Variants in LRRC4C observed in about 807,000 individuals in gnomAD.
LRRC4C encodes leucine rich repeat containing 4C, also known as leucine-rich repeat-containing protein 4C.
Under a neutral mutation model 33.6 loss-of-function variants are expected in LRRC4C, and 5 were observed. The observed-to-expected ratio is 0.15, with a 90% CI of 0.08 to 0.31. The LOEUF (loss-of-function observed/expected upper bound fraction) is 0.31, where lower values mean the gene tolerates loss of function less well. Ranked by LOEUF, LRRC4C falls within the 10% of genes least tolerant of loss-of-function variation. The pLI, the probability that LRRC4C is intolerant of heterozygous loss-of-function variation, is 1.00. For missense variants in LRRC4C, 560 were observed against 796.7 expected (o/e 0.70, Z 3.58); for synonymous variants, 329 against 302.0 (o/e 1.09, Z -0.93).
In LRRC4C at chr11:41,215,014, G is replaced by GTATATATATATATATATATATA. The variant is rs34328057; in HGVS notation, c.-496+244395_-496+244416dup. Among the ~76,000 whole-genome samples the GTATATATATATATATATATATA allele has an allele frequency of 9.2e-5, 12 of 131,076 alleles. 1 individual carries two copies. Among genetic ancestry groups the GTATATATATATATATATATATA allele is most frequent in the African/African-American group, 3.5e-4 (12 of 34,582 alleles). 86.0% of individuals were successfully genotyped at this position (131,076 alleles called of 152,430 possible). A position where few individuals can be genotyped will look rare whatever the true frequency, so the allele number is the denominator to read the frequency against. On this transcript the variant is annotated intron_variant, in intron 1 of 6. Coordinates refer to ENST00000528697, the MANE Select transcript of LRRC4C (RefSeq NM_001258419.2). The stretch of plus-strand genomic sequence containing the variant: ...TTCTCAATTTCTATTTTTTATTCAT[G>GTATATATATATATATATATATA]TATATATATATATATATATATATAT...
chr11:40,727,786 C>T (rs1947358201), intron 2 of LRRC4C, among the ~76,000 whole-genome samples: 2 of 152,080 alleles, frequency 1.3e-5, no homozygotes, highest in Admixed American at 1.3e-4. Flanking sequence ...CGATGACTCA[C>T]ACCTGTAATC....
intron 3 of LRRC4C, among the ~76,000 whole-genome samples, chr11:40,322,148 C>T (rs1319391006): frequency 6.6e-6 from 1 of 152,114 alleles, no homozygotes; most frequent in African/African-American, 2.4e-5. Context: ...GTTCAGGAAC[C>T]AGAAAGCAGG....
At position 40,862,173 on chromosome 11, in the gene LRRC4C, G is replaced by T. The variant is rs142840185; in HGVS notation, c.-407+71462C>A. 1.1e-3 allele frequency among the ~76,000 whole-genome samples: 161 copies of T among 152,234 alleles called. 1 individual carries two copies. Among genetic ancestry groups the T allele is most frequent in the African/African-American group, 3.7e-3 (154 of 41,554 alleles). On this transcript the variant is annotated intron_variant, in intron 2 of 6. Transcript: ENST00000528697. ...GGAATACTACTGAATACAAATAAAA[G>T]ATGGTTTTAAAATTATTCACACTAT...
intron 1 of LRRC4C, among the ~76,000 whole-genome samples, chr11:41,264,610 C>T (rs1949090411): frequency 6.6e-6 from 1 of 151,912 alleles, no homozygotes; most frequent in Non-Finnish European, 1.5e-5. Flanking sequence ...GGAATTGTAC[C>T]ATAGACACTT....
At chr11:40,671,134 A>G (rs1024799243) in intron 2 of LRRC4C, among the ~76,000 whole-genome samples, 2 of 152,190 alleles carry the variant, frequency 1.3e-5, no homozygotes, top group African/African-American at 2.4e-5. Context: ...TTAAAAAAGT[A>G]TGTATCTATA....
intron 2 of LRRC4C, among the ~76,000 whole-genome samples, chr11:40,769,310 T>C (rs1239770608): frequency 6.6e-6 from 1 of 152,002 alleles, no homozygotes; most frequent in African/African-American, 2.4e-5. Context: ...CTATAAAACA[T>C]TTATGCAAGA....
chr11:41,326,407 T>C (rs536905920), intron 1 of LRRC4C, among the ~76,000 whole-genome samples: 8 of 152,188 alleles, frequency 5.3e-5, no homozygotes, highest in African/African-American at 1.9e-4. Context: ...GCTCCTCAGC[T>C]TGCAGACAGC....
intron 3 of LRRC4C, among the ~76,000 whole-genome samples, chr11:40,564,993 C>T (rs1481223112): frequency 1.3e-5 from 2 of 152,246 alleles, no homozygotes; most frequent in African/African-American, 4.8e-5. Flanking sequence ...GAACTAAGAT[C>T]GCTCTGGGAT....
intron 5 of LRRC4C, among the ~76,000 whole-genome samples, chr11:40,171,496 T>A: frequency 6.6e-6 from 1 of 152,176 alleles, no homozygotes; most frequent in East Asian, 1.9e-4. Context: ...GTTTACATTG[T>A]GTTTGGCACC....
intron 3 of LRRC4C, among the ~76,000 whole-genome samples, chr11:40,482,788 C>T (rs547217929): frequency 1.1e-4 from 17 of 152,116 alleles, no homozygotes; most frequent in African/African-American, 3.9e-4. Flanking sequence ...CATCAGAGAG[C>T]TAAGAATACA....
chr11:41,235,495 C>G (rs1947981034), intron 1 of LRRC4C, among the ~76,000 whole-genome samples: 1 of 152,024 alleles, frequency 6.6e-6, no homozygotes, highest in Non-Finnish European at 1.5e-5. Flanking sequence ...AGTAGGCAAG[C>G]AACATTAAAA....
chr11:40,800,741 G>A (rs533233864), intron 2 of LRRC4C, among the ~76,000 whole-genome samples: 6 of 152,192 alleles, frequency 3.9e-5, no homozygotes, highest in African/African-American at 1.4e-4. Flanking sequence ...CATCTAGGCA[G>A]TGTATTTTCT....
chr11:40,290,913 G>A (rs932989226), intron 4 of LRRC4C, among the ~76,000 whole-genome samples: 2 of 151,976 alleles, frequency 1.3e-5, no homozygotes, highest in South Asian at 2.1e-4. Context: ...CTCATAAAAC[G>A]GCATCCAAAA....
intron 3 of LRRC4C, among the ~76,000 whole-genome samples, chr11:40,513,803 T>C (rs1410960312): frequency 6.6e-6 from 1 of 152,192 alleles, no homozygotes; most frequent in Non-Finnish European, 1.5e-5. Context: ...TCATTTCTTT[T>C]CTAATCAGTT....
At chr11:41,228,972 C>T (rs7939386) in intron 1 of LRRC4C, among the ~76,000 whole-genome samples, 5,623 of 152,158 alleles carry the variant, frequency 0.037, 148 homozygotes, top group African/African-American at 0.068. Flanking sequence ...ACAGTCATTT[C>T]AATGTGTCCT....
chr11:40,433,647 G>C (rs373338297), intron 3 of LRRC4C, among the ~76,000 whole-genome samples: 1 of 152,336 alleles, frequency 6.6e-6, no homozygotes, highest in South Asian at 2.1e-4. Context: ...CTGCAGGAGA[G>C]AGAACATGTG....
chr11:40,981,681 C>A (rs2137109470), intron 1 of LRRC4C, among the ~76,000 whole-genome samples: 1 of 152,282 alleles, frequency 6.6e-6, no homozygotes, highest in Non-Finnish European at 1.5e-5. Flanking sequence ...ATATAGGAAA[C>A]AAACTATCCC....
intron 3 of LRRC4C, among the ~76,000 whole-genome samples, chr11:40,370,324 A>G (rs552081454): frequency 3.3e-5 from 5 of 152,164 alleles, no homozygotes; most frequent in African/African-American, 1.2e-4. Flanking sequence ...CATCTAAAAC[A>G]CTCGCTGAAA....
chr11:40,687,350 T>A (rs1285585713), intron 2 of LRRC4C, among the ~76,000 whole-genome samples: 1 of 152,068 alleles, frequency 6.6e-6, no homozygotes, highest in Non-Finnish European at 1.5e-5. Flanking sequence ...CTACATTTAT[T>A]CAGTGTGTAT....
Sources: gnomAD v4.1 joint callset for allele counts (sites outside exome capture counted in the v4.1 genomes callset) on GRCh38, gnomAD v4.1.1 for gene constraint, MANE v1.5 for transcripts, NCBI Gene and HGNC (gene_info 2026-07-23, HGNC 2026-07-21) for gene names.